ANKRD28: variants seen among roughly 807,000 people sequenced by gnomAD.
The protein encoded by ANKRD28 is ankyrin repeat domain 28, also known as serine/threonine-protein phosphatase 6 regulatory ankyrin repeat subunit A.
ANKRD28 carries 44 observed loss-of-function variants against 126.5 expected under a neutral mutation model. The observed-to-expected ratio is 0.35, with a 90% confidence interval of 0.27 to 0.45. The LOEUF is 0.45. Ranked by LOEUF, ANKRD28 falls within the 20% of genes least tolerant of loss-of-function variation. ANKRD28 has a pLI of 1.00. For missense variants in ANKRD28, 1,110 were observed against 1,316.6 expected (o/e 0.84, Z 2.43); for synonymous variants, 442 against 468.5 (o/e 0.94, Z 0.73).
rs1402215101 is a variant in ANKRD28, at chr3:15,846,987, G to C, written c.27+12390C>G. Among the ~76,000 whole-genome samples the C allele has an allele frequency of 6.6e-6, 1 of 152,168 alleles. No individual in the cohort carries two copies. The highest frequency in any genetic ancestry group is 1.5e-5 in the Non-Finnish European group (1 of 68,030). On this transcript the variant is annotated intron_variant, in intron 1 of 27. Coordinates refer to the ANKRD28 transcript ENST00000399451. This position sits in a 1 kb window ranked among gnomAD's most constrained non-coding sequence, Gnocchi z 5.4. ...AGTAAATATAAGTTATCTGGGGCCT[G>C]GGAGAAAAGAAAACAAGTTTGGTAA...
intron 6 of ANKRD28, among the ~76,000 whole-genome samples, chr3:15,731,077 C>G (rs1192761928): frequency 6.6e-6 from 1 of 152,110 alleles, no homozygotes; most frequent in Non-Finnish European, 1.5e-5. Context: ...TATAAATTAC[C>G]CAGTCTATGA....
intron 6 of ANKRD28, among the ~76,000 whole-genome samples, chr3:15,724,952 G>A (rs2074044534): frequency 6.6e-6 from 1 of 152,166 alleles, no homozygotes; most frequent in Non-Finnish European, 1.5e-5. Flanking sequence ...CTGCACTCCA[G>A]GGTGGGCAAT....
intron 3 of ANKRD28, among the ~76,000 whole-genome samples, chr3:15,757,256 T>C (rs1375945207): frequency 6.6e-6 from 1 of 152,140 alleles, no homozygotes; most frequent in South Asian, 2.1e-4. Context: ...CTATTAGTAG[T>C]TTTTAGGGAG....
At chr3:15,837,329 C>CTTATT (rs2061347249) in intron 1 of ANKRD28, among the ~76,000 whole-genome samples, 1 of 151,948 alleles carries the variant, frequency 6.6e-6, no homozygotes, top group African/African-American at 2.4e-5. Context: ...AAGACTCTGC[C>CTTATT]CAACAGCAGT....
At chr3:15,694,853 C>G in intron 16 of ANKRD28, 40 bp from the exon 17 acceptor site, 1 of 1,574,614 alleles carries the variant, frequency 6.4e-7, no homozygotes, top group Non-Finnish European at 8.7e-7. Context: ...GAAAGACATA[C>G]TACAGCAATT....
chr3:15,729,777 T>C (rs560758732), intron 6 of ANKRD28, among the ~76,000 whole-genome samples: 12 of 152,260 alleles, frequency 7.9e-5, no homozygotes, highest in African/African-American at 2.9e-4. Context: ...AATTATCAAT[T>C]AAAGTAGATA....
At chr3:15,739,290 A>G (rs748227810) in intron 4 of ANKRD28, among the ~76,000 whole-genome samples, 11 of 152,222 alleles carry the variant, frequency 7.2e-5, no homozygotes, top group Non-Finnish European at 1.6e-4. Flanking sequence ...ATTTATGTTC[A>G]GAGACTGCAG....
At chr3:15,763,174 T>C (rs1276003100) in intron 3 of ANKRD28, among the ~76,000 whole-genome samples, 1 of 152,244 alleles carries the variant, frequency 6.6e-6, no homozygotes, top group African/African-American at 2.4e-5. Context: ...AATTAGAGCC[T>C]AACTGGTAAG....
At chr3:15,818,804 T>G (rs926987779) in intron 1 of ANKRD28, among the ~76,000 whole-genome samples, 2 of 152,196 alleles carry the variant, frequency 1.3e-5, no homozygotes, top group African/African-American at 4.8e-5. Flanking sequence ...CTCAATATTC[T>G]TATAATTTCA....
rs1159409443 is a variant in ANKRD28, at chr3:15,843,513, G to C, written c.27+15864C>G. ...GAAGTACAAAAAAAATGAAAAATAA[G>C]AGATAAACAATACACCTCAATTTCA... On this transcript the variant is annotated intron_variant, in intron 1 of 27. Coordinates refer to the ANKRD28 transcript ENST00000399451. This position sits in a 1 kb window ranked among gnomAD's most constrained non-coding sequence, Gnocchi z 5.2. Among the ~76,000 whole-genome samples, 3 of 151,840 alleles carry C rather than the reference G, an allele frequency of 2.0e-5. No individual in the cohort carries two copies. Among genetic ancestry groups the C allele is most frequent in the African/African-American group, 7.3e-5 (3 of 41,310 alleles).
chr3:15,851,533 G>C (rs557217141), intron 1 of ANKRD28, among the ~76,000 whole-genome samples: 40 of 150,602 alleles, frequency 2.7e-4, no homozygotes, highest in Non-Finnish European at 5.3e-4. Context: ...GACAAAGTGA[G>C]ACTCTGTGTC....
intron 1 of ANKRD28, among the ~76,000 whole-genome samples, chr3:15,827,553 A>G (rs2061094120): frequency 6.6e-6 from 1 of 152,154 alleles, no homozygotes. Context: ...TAGTTTCCCC[A>G]ACATCATTTG....
chr3:15,794,569 T>C (rs2060192762), intron 2 of ANKRD28, among the ~76,000 whole-genome samples: 1 of 117,098 alleles, frequency 8.5e-6, no homozygotes, highest in Non-Finnish European at 1.9e-5. Flanking sequence ...GTAAACTAAA[T>C]ACTGGCCACT....
intron 2 of ANKRD28, among the ~76,000 whole-genome samples, chr3:15,775,774 G>A (rs950226911): frequency 2.0e-5 from 3 of 152,158 alleles, no homozygotes; most frequent in Admixed American, 2.0e-4. Context: ...CACCCTCCAG[G>A]AACTGCCACA....
chr3:15,753,815 C>T (rs2058010006), intron 3 of ANKRD28, among the ~76,000 whole-genome samples: 1 of 151,972 alleles, frequency 6.6e-6, no homozygotes, highest in African/African-American at 2.4e-5. Context: ...TGGTGGCCCG[C>T]GTGCACCTGT....
At chr3:15,771,543 G>C (rs2059009129) in intron 2 of ANKRD28, among the ~76,000 whole-genome samples, 1 of 152,056 alleles carries the variant, frequency 6.6e-6, no homozygotes, top group Non-Finnish European at 1.5e-5. Flanking sequence ...GAGAGAAGAG[G>C]GGGTGCCAAG....
At chr3:15,822,010 A>G (rs1038532059) in intron 1 of ANKRD28, among the ~76,000 whole-genome samples, 1 of 152,228 alleles carries the variant, frequency 6.6e-6, no homozygotes, top group African/African-American at 2.4e-5. Context: ...CTAAAGACCC[A>G]GGAAGGAAGA....
intron 1 of ANKRD28, among the ~76,000 whole-genome samples, chr3:15,832,060 T>C (rs765803636): frequency 6.6e-6 from 1 of 152,164 alleles, no homozygotes; most frequent in Non-Finnish European, 1.5e-5. Context: ...TGCCAAAGCA[T>C]TGTTACAGGT....
chr3:15,799,249 A>G (rs923991699), upstream of ANKRD28, among the ~76,000 whole-genome samples: 4 of 151,966 alleles, frequency 2.6e-5, no homozygotes, highest in Non-Finnish European at 5.9e-5. Context: ...TATACTATTT[A>G]TTGCTATATT....
Sources: allele counts gnomAD v4.1 joint callset (sites outside exome capture counted in the v4.1 genomes callset), GRCh38; gene constraint gnomAD v4.1.1; non-coding constraint Gnocchi (gnomAD v3.1); transcripts MANE v1.5; gene names NCBI Gene and HGNC (gene_info 2026-07-23, HGNC 2026-07-21).